The following ZXDC variants were observed in gnomAD, a reference collection of about 807,000 sequenced individuals.
ZXDC encodes the protein ZXD family zinc finger C, also known as zinc finger protein ZXDC.
Under a neutral mutation model 63.6 loss-of-function variants are expected in ZXDC, and 58 were observed. The observed-to-expected ratio is 0.91, with a 90% CI of 0.74 to 1.13. The LOEUF (loss-of-function observed/expected upper bound fraction) is 1.13, where lower values mean the gene tolerates loss of function less well. ZXDC is among the 50% of genes most tolerant of loss of function. The probability of loss-of-function intolerance (pLI) is 0.00; values close to 1 mark genes in which losing one functional copy is unlikely to be tolerated. For missense variants in ZXDC, 1,133 were observed against 1,148.9 expected (o/e 0.99, Z 0.20); for synonymous variants, 561 against 496.1 (o/e 1.13, Z -1.74).
At chr3:126,454,161 T>C (rs938766742) in intron 7 of ZXDC, 5 of 971,034 alleles carry the variant, frequency 5.1e-6, no homozygotes, top group Non-Finnish European at 6.1e-6. Flanking sequence ...GAATAGGATC[T>C]GTTAAATCAA....
chr3:126,452,598 C>A, intron 7 of ZXDC: 1 of 978,246 alleles, frequency 1.0e-6, no homozygotes, highest in Non-Finnish European at 1.2e-6. Context: ...TAACAGATTT[C>A]GTAACATTAA....
At position 126,453,407 on chromosome 3, in the gene ZXDC, A is replaced by G; in HGVS notation, c.2212+6246T>C. On this transcript the variant is annotated intron_variant, in intron 7 of 9. Transcript: ENST00000389709. ...TAAGCTGTCACATTTAAGCATCAAA[A>G]TCTGGATTTGACTCTGTTCTGATAG... The G allele has an allele frequency of 5.1e-6, 5 of 985,450 alleles. No homozygotes were observed. The South Asian group carries it at 2.3e-4, about 46-fold the overall frequency. The allele number at this position is 985,450 out of a possible 1,614,324, so 61.0% of individuals were successfully genotyped here.
At position 126,472,030 on chromosome 3, in the gene ZXDC, T is replaced by G; in HGVS notation, c.1082A>C (p.Asp361Ala). ...GAAGGTCCAGCCACAGCTGTCAGAG[T>G]CACAAATAAATGGTCTTTCACCTTA... ...SHTGERPFIC[D>A]SDSCGWTFTS... is the part of the protein sequence containing the mutation. Residue 361 changes from aspartate (D) to alanine (A), a missense_variant, in exon 3 of 10, where the codon GAC becomes GCC. By Grantham distance (126) the Asp-to-Ala change is moderately radical. Transcript: ENST00000389709. 2 of 1,613,582 alleles carry G rather than the reference T, an allele frequency of 1.2e-6. No homozygotes were observed. The highest frequency in any genetic ancestry group is 1.7e-6 in the Non-Finnish European group (2 of 1,179,834).
intron 7 of ZXDC, among the ~76,000 whole-genome samples, chr3:126,445,411 G>A (rs1933844538): frequency 6.6e-6 from 1 of 151,946 alleles, no homozygotes; most frequent in Non-Finnish European, 1.5e-5. Context: ...AGGGTAAGCT[G>A]GCAAGCCCGG....
intron 4 of ZXDC, 137 bp downstream of exon 4, chr3:126,470,758 A>C: frequency 3.3e-6 from 4 of 1,222,712 alleles, no homozygotes; most frequent in Non-Finnish European, 4.6e-6. Context: ...TCAATGAGGT[A>C]AGTAAACATA....
chr3:126,470,457 C>A (rs2107657732), intron 4 of ZXDC, among the ~76,000 whole-genome samples: 1 of 152,310 alleles, frequency 6.6e-6, no homozygotes, highest in Non-Finnish European at 1.5e-5. Context: ...CAGAGCAAGA[C>A]TGTCTCAAAA....
chr3:126,463,178 C>G (rs1292866410), intron 5 of ZXDC, among the ~76,000 whole-genome samples: 2 of 152,128 alleles, frequency 1.3e-5, no homozygotes, highest in Admixed American at 1.3e-4. Context: ...ACCCCGTTCT[C>G]TTGCCTCAGC....
At chr3:126,440,024 G>A (rs961524294) in intron 8 of ZXDC, 63 of 1,255,392 alleles carry the variant, frequency 5.0e-5, no homozygotes, top group Admixed American at 8.1e-5. Context: ...CCTAAGGCAC[G>A]CTCCTCAACT....
rs548349349 is a variant in ZXDC, at chr3:126,470,755, G to A, written c.1270+140C>T. ...CAAAATAGTACAATTAACTCAATGAGGTAAGTAAACATAATGCTGCAACTT... is the reference window on the plus strand; with the variant it reads ...CAAAATAGTACAATTAACTCAATGAAGTAAGTAAACATAATGCTGCAACTT... On this transcript the variant is annotated intron_variant, in intron 4 of 9. Coordinates refer to ENST00000389709, the MANE Select transcript of ZXDC (RefSeq NM_025112.5). 1.5e-5 allele frequency: 18 copies of A among 1,198,672 alleles called. No individual in the cohort carries two copies. The African/African-American group carries it at 2.6e-4, about 17-fold the overall frequency. 74.3% of individuals were successfully genotyped at this position (1,198,672 alleles called of 1,614,324 possible).
intron 5 of ZXDC, among the ~76,000 whole-genome samples, chr3:126,463,422 T>A (rs1934636812): frequency 6.6e-6 from 1 of 152,200 alleles, no homozygotes; most frequent in Non-Finnish European, 1.5e-5. Context: ...TTTCTGGTCA[T>A]AATACTCTTT....
intron 7 of ZXDC, chr3:126,451,897 GA>G (rs1356692023): frequency 1.0e-6 from 1 of 985,232 alleles, no homozygotes; most frequent in African/African-American, 1.7e-5. Context: ...GGGTTTTTGT[GA>G]GGCGTGAACA....
chr3:126,445,429 A>G (rs1933846421), intron 7 of ZXDC, among the ~76,000 whole-genome samples: 1 of 152,000 alleles, frequency 6.6e-6, no homozygotes, highest in Non-Finnish European at 1.5e-5. Flanking sequence ...CGGCTCATTA[A>G]AGTTTTAATG....
intron 4 of ZXDC, among the ~76,000 whole-genome samples, chr3:126,466,747 T>C (rs1267447347): frequency 6.6e-6 from 1 of 152,182 alleles, no homozygotes; most frequent in South Asian, 2.1e-4. Context: ...CTGGAAACTA[T>C]CTTGACAGAT....
rs759412058 is a variant in ZXDC at position 126,438,327 on chromosome 3, G to A, written c.*48C>T. The stretch of plus-strand genomic sequence containing the variant: ...GGCTCATGTCATGAGTCTCAGGGAA[G>A]GTGTGTCCTAGACCGTGGCCTTGGG... On this transcript the variant is annotated 3_prime_UTR_variant, in exon 10 of 10. Coordinates refer to ENST00000389709, the MANE Select transcript of ZXDC (RefSeq NM_025112.5). 6.6e-7 allele frequency: 1 copy of A among 1,515,658 alleles called. No individual in the cohort carries two copies. The highest frequency in any genetic ancestry group is 9.1e-7 in the Non-Finnish European group (1 of 1,104,076). The allele number at this position is 1,515,658 out of a possible 1,614,324, so 93.9% of individuals were successfully genotyped here.
chr3:126,447,159 T>G, intron 7 of ZXDC, among the ~76,000 whole-genome samples: 1 of 152,226 alleles, frequency 6.6e-6, no homozygotes, highest in Non-Finnish European at 1.5e-5. Context: ...CCTTCCCAGA[T>G]GAACTTAAAG....
rs1486543720 is a variant in ZXDC at position 126,447,179 on chromosome 3, G to A, written c.2213-5233C>T. Among the ~76,000 whole-genome samples the A allele has an allele frequency of 9.2e-5, 14 of 152,322 alleles. No individual in the cohort carries two copies. In the East Asian group the frequency reaches 2.5e-3, roughly 27 times the overall value. On this transcript the variant is annotated intron_variant, in intron 7 of 9. Coordinates refer to ENST00000389709, the MANE Select transcript of ZXDC (RefSeq NM_025112.5). Reference sequence around the variant, plus strand: ...CCAGATGAACTTAAAGTAGACAGGTGTTTAAGTTACTCTGGGATTTTACAG... The same window carrying A: ...CCAGATGAACTTAAAGTAGACAGGTATTTAAGTTACTCTGGGATTTTACAG...
At chr3:126,445,309 G>A (rs188276166) in intron 7 of ZXDC, among the ~76,000 whole-genome samples, 7 of 152,116 alleles carry the variant, frequency 4.6e-5, no homozygotes, top group Admixed American at 2.6e-4. Context: ...GACTTTCTAC[G>A]AGAGATGTCC....
intron 7 of ZXDC, chr3:126,453,350 T>C (rs906082074): frequency 7.1e-6 from 7 of 985,488 alleles, no homozygotes; most frequent in Middle Eastern, 1.0e-3. Flanking sequence ...ATGTTTTCTT[T>C]GGCCCATACC....
chr3:126,471,579 G>T (rs768139767), intron 3 of ZXDC, among the ~76,000 whole-genome samples: 2 of 152,098 alleles, frequency 1.3e-5, no homozygotes, highest in Non-Finnish European at 2.9e-5. Flanking sequence ...TGAGGTTGTT[G>T]GGAAGGTAGA....
Sources: gnomAD v4.1 joint callset for allele counts (sites outside exome capture counted in the v4.1 genomes callset) on GRCh38, gnomAD v4.1.1 for gene constraint, MANE v1.5 for transcripts, NCBI Gene and HGNC (gene_info 2026-07-23, HGNC 2026-07-21) for gene names.